Variants in ITGB7 observed in about 807,000 individuals in gnomAD.
ITGB7 encodes integrin beta-7.
A neutral mutation model predicts 83.4 loss-of-function variants in ITGB7; 55 were observed. The ratio of observed to expected loss-of-function variants is 0.66; its 90% CI spans 0.53 to 0.83. The LOEUF (loss-of-function observed/expected upper bound fraction) is 0.83. Ranked by LOEUF, ITGB7 falls within the 40% of genes least tolerant of loss-of-function variation. The pLI is 0.00. For synonymous variants in ITGB7, 454 were observed against 423.6 expected, an observed-to-expected ratio of 1.07 and a Z score of -0.88; for missense variants, 921 against 1,046.7, an observed-to-expected ratio of 0.88 and a Z score of 1.66.
intron 5 of ITGB7, 146 bp downstream of exon 5, chr12:53,197,347 T>G (rs567484565): frequency 2.4e-6 from 2 of 847,682 alleles, no homozygotes; most frequent in East Asian, 4.9e-5. Context: ...TAGGGAGAGA[T>G]GCAGGAACGA....
rs560213889 is a variant in ITGB7, at chr12:53,197,922, C to T, written c.231G>A (p.Ala77=). Residue 77 remains alanine (A), a synonymous_variant, in exon 4 of 16, where the codon GCG becomes GCA. Coordinates refer to ENST00000267082, the MANE Select transcript of ITGB7 (RefSeq NM_000889.3). ...LNFTASGEAE[A]RRCARREELL... is the part of the protein sequence containing the mutation. Reference sequence around the variant, plus strand: ...GCTCCTCTCGTCGGGCGCAGCGCCGCGCCTCCGCCTCTCCCGACGCGGTGA... The same window carrying T: ...GCTCCTCTCGTCGGGCGCAGCGCCGTGCCTCCGCCTCTCCCGACGCGGTGA... The T allele has an allele frequency of 1.5e-4, 237 of 1,543,280 alleles. 4 individuals are homozygous for T. In the Middle Eastern group the frequency reaches 8.9e-3, roughly 58 times the overall value.
chr12:53,200,367 G>A lies in ITGB7; in HGVS notation c.77C>T (p.Pro26Leu). The A allele has an allele frequency of 1.2e-6, 2 of 1,614,136 alleles. No individual in the cohort carries two copies. Among genetic ancestry groups the A allele is most frequent in the Middle Eastern group, 1.6e-4 (1 of 6,062 alleles). Reference protein sequence around the residue: ...RGESELDAKIPSTGDATEWRN... With the variant: ...RGESELDAKILSTGDATEWRN... ...CCATTCTGTGGCATCCCCTGTGGATGGGATCTTGGCGTCCAATTCACTCTC... is the reference window on the plus strand; with the variant it reads ...CCATTCTGTGGCATCCCCTGTGGATAGGATCTTGGCGTCCAATTCACTCTC... The change falls in exon 3 of 16, where the codon CCA becomes CTA. Residue 26 changes from proline to leucine, a missense_variant. Coordinates refer to ENST00000267082, the MANE Select transcript of ITGB7 (RefSeq NM_000889.3).
rs1308726621 is a variant in ITGB7, at chr12:53,201,169, TTCTC to T, written c.-105_-102del. ...CACTGGCTGTGGGGCAAGTCAGACT[TTCTC>T]TCTGGGCTTTAGTTTCCACATCTGC... On this transcript the variant is annotated 5_prime_UTR_variant, in exon 2 of 16. It removes the in-frame stop codon of an upstream open reading frame in the 5' UTR. Coordinates refer to ENST00000267082, the MANE Select transcript of ITGB7 (RefSeq NM_000889.3). The T allele has an allele frequency of 6.6e-6, 1 of 152,190 alleles. No homozygotes were observed. Among genetic ancestry groups the T allele is most frequent in the African/African-American group, 2.4e-5 (1 of 41,428 alleles). 9.4% of individuals were successfully genotyped at this position (152,190 alleles called of 1,614,324 possible). A position where few individuals can be genotyped will look rare whatever the true frequency, so the allele number is the denominator to read the frequency against.
At chr12:53,196,892 T>C in intron 5 of ITGB7, 72 bp from the exon 6 acceptor site, 1 of 1,517,124 alleles carries the variant, frequency 6.6e-7, no homozygotes. Context: ...GAGAGCGCTC[T>C]ATGGGAAGTG....
At position 53,196,670 on chromosome 12, in the gene ITGB7, A is replaced by T; in HGVS notation, c.725T>A (p.Phe242Tyr). 6.2e-7 allele frequency: 1 copy of T among 1,611,820 alleles called. No individual in the cohort carries two copies. The highest frequency in any genetic ancestry group is 1.1e-5 in the South Asian group (1 of 90,774). ...VLSLTGDAQA[F>Y]EREVGRQSVS... ...ACTCTGGCGCCCCACCTCCCGCTCG[A>T]AGGCTTGTGCGTCCCCCGTCAGGGA... The change falls in exon 6 of 16, where the codon TTC (phenylalanine) becomes TAC (tyrosine). Residue 242 changes from phenylalanine (F) to tyrosine (Y), a missense_variant. Phe to Tyr is a conservative substitution (Grantham distance 22, BLOSUM62 3). Coordinates refer to ENST00000267082, the MANE Select transcript of ITGB7 (RefSeq NM_000889.3).
chr12:53,202,451 T>C (rs1005436775), intron 1 of ITGB7, among the ~76,000 whole-genome samples: 2 of 152,028 alleles, frequency 1.3e-5, no homozygotes, highest in Admixed American at 6.5e-5. Flanking sequence ...GCCTCCCAGA[T>C]TCAAGCAATT....
chr12:53,202,901 C>T (rs1218934731), intron 1 of ITGB7, among the ~76,000 whole-genome samples: 1 of 152,112 alleles, frequency 6.6e-6, no homozygotes, highest in African/African-American at 2.4e-5. Flanking sequence ...GGACCCCCTC[C>T]CCACCTCACA....
Position 53,192,211 on chromosome 12 carries a change from C to G in ITGB7, c.2155+119G>C. On this transcript the variant is annotated intron_variant, in intron 14 of 15. Transcript: ENST00000267082. ...TTGCTCAATTGCCTCTGCCTTTGTC[C>G]TGGATTCACAGTTCTGCTTCAGCCC... The G allele has an allele frequency of 3.1e-6, 4 of 1,273,530 alleles. 1 individual carries two copies. In the South Asian group the frequency reaches 5.2e-5, roughly 17 times the overall value. 78.9% of individuals were successfully genotyped at this position (1,273,530 alleles called of 1,614,324 possible). A position where few individuals can be genotyped will look rare whatever the true frequency, so the allele number is the denominator to read the frequency against.
chr12:53,193,032 T>C (rs781674224), intron 12 of ITGB7, 108 bp downstream of exon 12: 14 of 1,359,128 alleles, frequency 1.0e-5, no homozygotes, highest in Non-Finnish European at 1.4e-5. Flanking sequence ...CTCTAACCCA[T>C]ACACCGGAAT....
At chr12:53,192,651 C>G in intron 13 of ITGB7, 40 bp downstream of exon 13, 1 of 1,603,800 alleles carries the variant, frequency 6.2e-7, no homozygotes, top group Non-Finnish European at 8.5e-7. Context: ...ACAAGCCCCA[C>G]TGTGCCCCTG....
At chr12:53,194,089 C>G in intron 10 of ITGB7, 109 bp downstream of exon 10, 3 of 1,496,906 alleles carry the variant, frequency 2.0e-6, no homozygotes, top group Non-Finnish European at 2.8e-6. Context: ...AGGACTACCT[C>G]AGGCTCTCAT....
At chr12:53,195,531 G>A in intron 8 of ITGB7, 68 bp from the exon 9 acceptor site, 1 of 1,528,038 alleles carries the variant, frequency 6.5e-7, no homozygotes, top group East Asian at 2.2e-5. Context: ...CGGAGGTCTG[G>A]AAGGAGGGCA....
rs756403149 is a variant in ITGB7 at position 53,195,411 on chromosome 12, G to C, written c.1124C>G (p.Ser375Cys). 132 of 1,613,664 alleles carry C rather than the reference G, an allele frequency of 8.2e-5. No individual in the cohort carries two copies. The highest frequency in any genetic ancestry group is 1.1e-4 in the Non-Finnish European group (128 of 1,179,826). Residue 375 changes from serine (S) to cysteine (C), a missense_variant, in exon 9 of 16, where the codon TCC becomes TGC. Physicochemically the swap from Ser to Cys is moderately radical, Grantham distance 112 (BLOSUM62 -1). Transcript: ENST00000267082. ...KSAVGELSED[S>C]SNVVQLIMDA... ...CATGATGAGCTGTACCACGTTGCTG[G>C]AGTCCTCACTCAGCTCCCCAACTGC...
At chr12:53,193,462 T>TG in intron 11 of ITGB7, 99 bp from the exon 12 acceptor site, 1 of 905,058 alleles carries the variant, frequency 1.1e-6, no homozygotes, top group Non-Finnish European at 1.6e-6. Flanking sequence ...TCAAAAGAGT[T>TG]GGAGACAGAC....
At position 53,206,466 on chromosome 12, in the gene ITGB7, A is replaced by G. The variant is rs1223638432; in HGVS notation, c.-127+736T>C. ...TCCCTCCAACCCAGGCACTATCTCC[A>G]TCAAAAGTTGTGTTCTCTCCCCACT... On this transcript the variant is annotated intron_variant, in intron 1 of 15. Transcript: ENST00000267082. Among the ~76,000 whole-genome samples, 3 of 152,018 alleles carry G rather than the reference A, an allele frequency of 2.0e-5. No individual in the cohort carries two copies. The East Asian group carries it at 5.8e-4, about 29-fold the overall frequency.
At chr12:53,198,692 A>G (rs1213665334) in intron 3 of ITGB7, among the ~76,000 whole-genome samples, 1 of 143,446 alleles carries the variant, frequency 7.0e-6, no homozygotes, top group East Asian at 2.0e-4. Context: ...TTGAGATCTT[A>G]GAGACTTCAC....
At position 53,195,663 on chromosome 12, in the gene ITGB7, A is replaced by G; in HGVS notation, c.1034T>C (p.Ile345Thr). 1 of 1,614,124 alleles carries G rather than the reference A, an allele frequency of 6.2e-7. No homozygotes were observed. Among genetic ancestry groups the G allele is most frequent in the Non-Finnish European group, 8.5e-7 (1 of 1,180,012 alleles). ...CAGTGCGGCACTGGTGACAGCAAAG[A>G]TGGGCTGGATATTTGCTGCAGAGAG... ...QALSAANIQPIFAVTSAALPV... is the reference protein window; with the variant it reads ...QALSAANIQPTFAVTSAALPV... The change falls in exon 8 of 16, where the codon ATC (isoleucine) becomes ACC (threonine). Residue 345 changes from isoleucine (I) to threonine (T), a missense_variant. Physicochemically the swap from Ile to Thr is moderately conservative, Grantham distance 89. Transcript: ENST00000267082.
At chr12:53,193,982 A>G in intron 10 of ITGB7, 81 bp from the exon 11 acceptor site, 1 of 1,399,032 alleles carries the variant, frequency 7.1e-7, no homozygotes, top group East Asian at 2.3e-5. Flanking sequence ...CCAGAACCTC[A>G]CCCCTTAGTA....
intron 1 of ITGB7, among the ~76,000 whole-genome samples, chr12:53,203,647 CAAAAAAAAAAA>C (rs1158624130): frequency 5.9e-5 from 3 of 51,060 alleles, no homozygotes; most frequent in African/African-American, 1.1e-4. Context: ...GACCCTGTCT[CAAAAAAAAAAA>C]AAAAAAAAAA....
Sources: allele counts gnomAD v4.1 joint callset (sites outside exome capture counted in the v4.1 genomes callset), GRCh38; gene constraint gnomAD v4.1.1; transcripts MANE v1.5; gene names NCBI Gene and HGNC (gene_info 2026-07-23, HGNC 2026-07-21).